C1orf174: variants seen among roughly 807,000 people sequenced by gnomAD.
C1orf174 encodes UPF0688 protein C1orf174.
C1orf174 carries 13 observed loss-of-function variants against 18.4 expected under a neutral mutation model. The ratio of observed to expected loss-of-function variants is 0.71; its 90% confidence interval spans 0.46 to 1.12. The LOEUF (loss-of-function observed/expected upper bound fraction) is 1.12, where lower values mean the gene tolerates loss of function less well. Ranked by LOEUF, C1orf174 falls within the 50% of genes most tolerant of loss-of-function variation. C1orf174 has a pLI of 0.00. For synonymous variants in C1orf174, 100 were observed against 118.3 expected, an observed-to-expected ratio of 0.85 and a Z score of 1.01; for missense variants, 309 against 308.0, an observed-to-expected ratio of 1.00 and a Z score of -0.02.
At chr1:3,899,198 T>A (rs907486865) in intron 1 of C1orf174, among the ~76,000 whole-genome samples, 1 of 152,184 alleles carries the variant, frequency 6.6e-6, no homozygotes, top group Non-Finnish European at 1.5e-5. Context: ...CTACAGTGTA[T>A]CAATAATATT....
rs1367744659 is a variant in C1orf174, at chr1:3,889,975, A to ATCG, written c.714_716dup (p.Asp240dup). On this transcript the variant is annotated inframe_insertion, in exon 4 of 4. Transcript: ENST00000361605. Reference sequence around the variant, plus strand: ...TGTATGGCCCCTACATTTCTGCATCATCGTCGTCGTCATCATCATCATCTT... The same window carrying ATCG: ...TGTATGGCCCCTACATTTCTGCATCATCGTCGTCGTCGTCATCATCATCATCTT... 4.3e-6 allele frequency: 7 copies of ATCG among 1,614,048 alleles called. No homozygotes were observed. In the East Asian group the frequency reaches 1.6e-4, roughly 36 times the overall value.
Position 3,889,804 on chromosome 1 carries a change from G to T in C1orf174, c.*156C>A. 2.8e-6 allele frequency: 2 copies of T among 715,274 alleles called. No homozygotes were observed. The highest frequency in any genetic ancestry group is 1.6e-5 in the South Asian group (1 of 60,706). 44.3% of individuals were successfully genotyped at this position (715,274 alleles called of 1,614,324 possible). A position where few individuals can be genotyped will look rare whatever the true frequency, so the allele number is the denominator to read the frequency against. Reference sequence around the variant, plus strand: ...GTTCCCATGAGTACATCCTCCACAGGTATTGGGTGCTTTGCACTATTGACT... The same window carrying T: ...GTTCCCATGAGTACATCCTCCACAGTTATTGGGTGCTTTGCACTATTGACT... On this transcript the variant is annotated 3_prime_UTR_variant, in exon 4 of 4. Transcript: ENST00000361605.
chr1:3,893,124 G>A, intron 1 of C1orf174, 128 bp from the exon 2 acceptor site: 1 of 986,042 alleles, frequency 1.0e-6, no homozygotes, highest in Non-Finnish European at 1.5e-6. Flanking sequence ...TCATCTTTGT[G>A]GAGACAGCTG....
At chr1:3,897,622 G>A (rs926392197) in intron 1 of C1orf174, among the ~76,000 whole-genome samples, 4 of 152,290 alleles carry the variant, frequency 2.6e-5, no homozygotes, top group African/African-American at 9.6e-5. Context: ...AATAATGGCT[G>A]AGAACTTCTC....
At chr1:3,892,848 A>T in intron 2 of C1orf174, 35 bp downstream of exon 2, 1 of 1,608,248 alleles carries the variant, frequency 6.2e-7, no homozygotes, top group Non-Finnish European at 8.5e-7. Context: ...CCCTCGAGTC[A>T]GGATCTTGGC....
At chr1:3,897,808 C>T (rs1489228985) in intron 1 of C1orf174, among the ~76,000 whole-genome samples, 6 of 152,200 alleles carry the variant, frequency 3.9e-5, no homozygotes, top group Admixed American at 1.3e-4. Context: ...GAACTACAGG[C>T]GCCCGCCACC....
In C1orf174 at chr1:3,890,549, G is replaced by A; in HGVS notation, c.618+20C>T. 1 of 1,611,418 alleles carries A rather than the reference G, an allele frequency of 6.2e-7. No homozygotes were observed. Among genetic ancestry groups the A allele is most frequent in the South Asian group, 1.1e-5 (1 of 91,030 alleles). On this transcript the variant is annotated intron_variant, in intron 3 of 3. Transcript: ENST00000361605. Reference sequence around the variant, plus strand: ...GCTGCTGCCTGAGTACCCACGGGAGGAGGAAGGCGCCGCTCTTACCTGCAT... The same window carrying A: ...GCTGCTGCCTGAGTACCCACGGGAGAAGGAAGGCGCCGCTCTTACCTGCAT...
intron 3 of C1orf174, 90 bp from the exon 4 acceptor site, chr1:3,890,163 T>TCGCA (rs1638478509): frequency 6.0e-6 from 6 of 1,005,926 alleles, no homozygotes; most frequent in Admixed American, 1.9e-5. Context: ...GCTCTAGGGC[T>TCGCA]CGCAGAGCGC....
At chr1:3,892,657 C>G in intron 2 of C1orf174, 1 of 1,364,720 alleles carries the variant, frequency 7.3e-7, no homozygotes, top group South Asian at 1.5e-5. Flanking sequence ...GGTCTAGACA[C>G]ACACACGGGT....
intron 1 of C1orf174, chr1:3,895,347 T>C (rs1638587747): frequency 6.6e-6 from 1 of 152,296 alleles, no homozygotes; most frequent in Non-Finnish European, 1.5e-5. Flanking sequence ...CTGAAGAAGC[T>C]GCCACCCGCT....
chr1:3,896,586 GAGC>G (rs1638609268), intron 1 of C1orf174, among the ~76,000 whole-genome samples: 1 of 152,242 alleles, frequency 6.6e-6, no homozygotes, highest in South Asian at 2.1e-4. Context: ...CGGCCTAAGG[GAGC>G]TGTTCAAGTA....
At chr1:3,891,509 G>T in intron 2 of C1orf174, 2 of 829,232 alleles carry the variant, frequency 2.4e-6, no homozygotes, top group Non-Finnish European at 2.9e-6. Flanking sequence ...TTGTGAAATT[G>T]ACTTCGACAA....
chr1:3,897,686 C>T (rs564317139), intron 1 of C1orf174, among the ~76,000 whole-genome samples: 15 of 151,360 alleles, frequency 9.9e-5, no homozygotes, highest in African/African-American at 1.7e-4. Context: ...TTTTTTGAGA[C>T]GGAGTCTCAC....
At position 3,891,074 on chromosome 1, in the gene C1orf174, T is replaced by C. The variant is rs1364614317; in HGVS notation, c.130-17A>G. ...TGAGGAAGTCTGTCAAGAAAAAAAA[T>C]GTAAGGGGAACCAGACATATCTAGC... On this transcript the variant is annotated splice_polypyrimidine_tract_variant and intron_variant, in intron 2 of 3. Coordinates refer to ENST00000361605, the MANE Select transcript of C1orf174 (RefSeq NM_207356.3). 1.3e-6 allele frequency: 2 copies of C among 1,597,152 alleles called. No homozygotes were observed. Among genetic ancestry groups the C allele is most frequent in the Non-Finnish European group, 8.5e-7 (1 of 1,174,558 alleles).
chr1:3,898,671 TTATA>T (rs1268838583), intron 1 of C1orf174, among the ~76,000 whole-genome samples: 2 of 152,222 alleles, frequency 1.3e-5, no homozygotes, highest in Non-Finnish European at 2.9e-5. Context: ...AATTATGTTC[TTATA>T]TAGTTTAAAT....
In C1orf174 at chr1:3,890,729, G is replaced by C. The variant is rs1052104442; in HGVS notation, c.458C>G (p.Ser153Cys). 1.2e-6 allele frequency: 2 copies of C among 1,614,000 alleles called. No homozygotes were observed. Among genetic ancestry groups the C allele is most frequent in the African/African-American group, 2.7e-5 (2 of 74,894 alleles). ...KHSAGSGAEE[S>C]NSSSTVQKQN... ...CTTCTGCACAGTGGAGCTGCTGTTG[G>C]ATTCTTCTGCTCCGGACCCGGCACT... The change falls in exon 3 of 4, where the codon TCC (serine) becomes TGC (cysteine). Residue 153 changes from serine to cysteine, a missense_variant. By Grantham distance (112) the Ser-to-Cys change is moderately radical. Transcript: ENST00000361605.
intron 2 of C1orf174, chr1:3,891,535 CTCA>C (rs1417696075): frequency 1.0e-6 from 1 of 956,462 alleles, no homozygotes; most frequent in Non-Finnish European, 1.2e-6. Context: ...TACCAAGCAC[CTCA>C]TCATGAGCAA....
In C1orf174 at chr1:3,891,015, T is replaced by C. The variant is rs762246687; in HGVS notation, c.172A>G (p.Lys58Glu). 1.9e-6 allele frequency: 3 copies of C among 1,613,854 alleles called. No homozygotes were observed. Among genetic ancestry groups the C allele is most frequent in the Non-Finnish European group, 2.5e-6 (3 of 1,179,838 alleles). Reference sequence around the variant, plus strand: ...AGATGTCCTTTGTCACATTTGAACTTCTTGGACGTTCGCGTGTCTGTGGCT... The same window carrying C: ...AGATGTCCTTTGTCACATTTGAACTCCTTGGACGTTCGCGTGTCTGTGGCT... Reference protein sequence around the residue: ...HKATDTRTSKKFKCDKGHLVK... With the variant: ...HKATDTRTSKEFKCDKGHLVK... Residue 58 changes from lysine (K) to glutamate (E), a missense_variant, in exon 3 of 4, where the codon AAG becomes GAG. Lys to Glu is a moderately conservative substitution (Grantham distance 56). Coordinates refer to ENST00000361605, the MANE Select transcript of C1orf174 (RefSeq NM_207356.3).
intron 2 of C1orf174, chr1:3,891,692 G>A (rs1638519680): frequency 5.1e-6 from 5 of 986,064 alleles, no homozygotes; most frequent in Non-Finnish European, 6.0e-6. Context: ...GACGGCATGA[G>A]ATTCCTTTCC....
Sources: gnomAD v4.1 joint callset for allele counts (sites outside exome capture counted in the v4.1 genomes callset) on GRCh38, gnomAD v4.1.1 for gene constraint, MANE v1.5 for transcripts, NCBI Gene and HGNC (gene_info 2026-07-23, HGNC 2026-07-21) for gene names.